TMOD3: variants seen among roughly 807,000 people sequenced by gnomAD.
TMOD3 encodes tropomodulin-3.
A neutral mutation model predicts 39.2 loss-of-function variants in TMOD3; 20 were observed. The observed-to-expected ratio is 0.51, with a 90% CI of 0.36 to 0.74. TMOD3 has a LOEUF of 0.74. Ranked by LOEUF, TMOD3 falls within the 30% of genes least tolerant of loss-of-function variation. TMOD3 has a pLI of 0.00. For synonymous variants in TMOD3, 143 were observed against 145.8 expected, an observed-to-expected ratio of 0.98 and a Z score of 0.14; for missense variants, 381 against 412.8, an observed-to-expected ratio of 0.92 and a Z score of 0.67.
At chr15:51,840,308 G>A (rs1296270634) in intron 1 of TMOD3, among the ~76,000 whole-genome samples, 3 of 152,172 alleles carry the variant, frequency 2.0e-5, no homozygotes, top group African/African-American at 4.8e-5. Flanking sequence ...GTGGATCAGA[G>A]TATAGTATGA....
chr15:51,836,997 A>G (rs2056287985), intron 1 of TMOD3, among the ~76,000 whole-genome samples: 1 of 152,172 alleles, frequency 6.6e-6, no homozygotes, highest in Non-Finnish European at 1.5e-5. Context: ...CATACAAGTG[A>G]ACACAGTTCC....
At position 51,881,117 on chromosome 15, in the gene TMOD3, T is replaced by C. The variant is rs142570138; in HGVS notation, c.284-6472T>C. ...GACTCGTGTATATTTGTTTGCTTTT[T>C]GGAAATGGAGTCTTGCTATGCAGCC... is the stretch of plus-strand genomic sequence containing the variant. On this transcript the variant is annotated intron_variant, in intron 3 of 9. Coordinates refer to ENST00000308580, the MANE Select transcript of TMOD3 (RefSeq NM_014547.5). 8.2e-4 allele frequency among the ~76,000 whole-genome samples: 125 copies of C among 152,352 alleles called. 4 individuals are homozygous for C. In the East Asian group the frequency reaches 0.022, roughly 27 times the overall value.
intron 1 of TMOD3, chr15:51,861,098 G>A (rs537720428): frequency 7.6e-5 from 43 of 568,844 alleles, no homozygotes; most frequent in Admixed American, 3.6e-4. Flanking sequence ...GGATCTGTTC[G>A]AAAAGATTAA....
intron 3 of TMOD3, among the ~76,000 whole-genome samples, chr15:51,877,220 A>C (rs569752450): frequency 2.0e-4 from 31 of 152,216 alleles, no homozygotes; most frequent in African/African-American, 7.0e-4. Flanking sequence ...TTCTGGATCA[A>C]ATTTTCCTGT....
chr15:51,867,880 C>T (rs1595898394), intron 2 of TMOD3, among the ~76,000 whole-genome samples: 1 of 152,202 alleles, frequency 6.6e-6, no homozygotes, highest in Non-Finnish European at 1.5e-5. Context: ...TAAGGGACTA[C>T]AGGAGACAAC....
chr15:51,839,103 T>C (rs2056300385), intron 1 of TMOD3, among the ~76,000 whole-genome samples: 1 of 151,608 alleles, frequency 6.6e-6, no homozygotes, highest in African/African-American at 2.4e-5. Context: ...GACCATGCCT[T>C]CTCTTTTTTG....
At chr15:51,860,380 C>CT in intron 1 of TMOD3, 2 of 544,086 alleles carry the variant, frequency 3.7e-6, no homozygotes, top group Non-Finnish European at 7.4e-6. Flanking sequence ...TCCATGTTGG[C>CT]TTTTTGAAAT....
intron 2 of TMOD3, among the ~76,000 whole-genome samples, chr15:51,866,068 C>G (rs1295679455): frequency 1.3e-5 from 2 of 152,082 alleles, no homozygotes; most frequent in Non-Finnish European, 1.5e-5. Context: ...TAATTATGAT[C>G]TATTAGCTTA....
At chr15:51,889,797 G>A (rs1240189059) in intron 5 of TMOD3, among the ~76,000 whole-genome samples, 2 of 152,172 alleles carry the variant, frequency 1.3e-5, no homozygotes, top group African/African-American at 4.8e-5. Flanking sequence ...CCAGGAGCTT[G>A]AGGCTGCAGT....
rs1463380610 is a variant in TMOD3 at position 51,915,439 on chromosome 15, AC to A, written c.*6631del. The stretch of plus-strand genomic sequence containing the variant: ...AGTTACATTTAAAAGCTTGAAAATT[AC>A]CTTTCTAACAATCATTTGAATGTCA... On this transcript the variant is annotated 3_prime_UTR_variant, in exon 10 of 10. Coordinates refer to ENST00000308580, the MANE Select transcript of TMOD3 (RefSeq NM_014547.5). 5 of 152,058 alleles carry A rather than the reference AC, an allele frequency of 3.3e-5. 1 individual carries two copies. In the East Asian group the frequency reaches 9.6e-4, roughly 29 times the overall value. The allele number at this position is 152,058 out of a possible 1,614,324, so 9.4% of individuals were successfully genotyped here.
intron 3 of TMOD3, among the ~76,000 whole-genome samples, chr15:51,886,395 G>A (rs963736993): frequency 5.3e-5 from 8 of 152,224 alleles, no homozygotes; most frequent in Admixed American, 1.3e-4. Context: ...CTGAGTGAGC[G>A]AGACTCCGTC....
At chr15:51,890,065 C>A (rs2056584467) in intron 5 of TMOD3, among the ~76,000 whole-genome samples, 1 of 151,872 alleles carries the variant, frequency 6.6e-6, no homozygotes, top group East Asian at 1.9e-4. Flanking sequence ...ACTGTTTATA[C>A]TAATGTATAC....
chr15:51,882,825 AAAC>A (rs1459552961), intron 3 of TMOD3, among the ~76,000 whole-genome samples: 2 of 152,306 alleles, frequency 1.3e-5, no homozygotes, highest in East Asian at 1.9e-4. Flanking sequence ...TATAAAAAAA[AAAC>A]AACTGAGATT....
At chr15:51,896,954 C>T (rs1222275334) in intron 7 of TMOD3, among the ~76,000 whole-genome samples, 2 of 152,066 alleles carry the variant, frequency 1.3e-5, no homozygotes, top group African/African-American at 2.4e-5. Context: ...TGGTTTTTGT[C>T]CTTTATTCTG....
At chr15:51,842,582 A>G (rs2056317549) in intron 1 of TMOD3, among the ~76,000 whole-genome samples, 1 of 152,022 alleles carries the variant, frequency 6.6e-6, no homozygotes, top group Non-Finnish European at 1.5e-5. Context: ...ATATCATAGT[A>G]CTTCATTAGG....
chr15:51,891,324 T>C (rs943180600), intron 5 of TMOD3, among the ~76,000 whole-genome samples: 8 of 152,110 alleles, frequency 5.3e-5, no homozygotes, highest in Non-Finnish European at 7.4e-5. Context: ...ATTCTGGATT[T>C]GGCTGATTTC....
Position 51,913,795 on chromosome 15 carries a change from T to C in TMOD3, c.*4985T>C, listed in dbSNP as rs949327286. The stretch of plus-strand genomic sequence containing the variant: ...TGGAAAGCCGAGGCCGACGGATCAC[T>C]TGAGCTCAGGAGTTTGAGACCAACC... On this transcript the variant is annotated 3_prime_UTR_variant, in exon 10 of 10. Coordinates refer to ENST00000308580, the MANE Select transcript of TMOD3 (RefSeq NM_014547.5). 6.6e-6 allele frequency: 1 copy of C among 152,108 alleles called. No individual in the cohort carries two copies. The highest frequency in any genetic ancestry group is 2.4e-5 in the African/African-American group (1 of 41,404). 9.4% of individuals were successfully genotyped at this position (152,108 alleles called of 1,614,324 possible).
chr15:51,888,976 T>G, intron 4 of TMOD3, 80 bp from the exon 5 acceptor site: 1 of 882,598 alleles, frequency 1.1e-6, no homozygotes, highest in Non-Finnish European at 1.8e-6. Flanking sequence ...CAGAGGATAT[T>G]AAAATTATTG....
At chr15:51,860,955 A>G (rs1182789285) in intron 1 of TMOD3, 4 of 495,132 alleles carry the variant, frequency 8.1e-6, no homozygotes, top group South Asian at 6.2e-5. Flanking sequence ...ACAAAAACCT[A>G]CATAGGAGAG....
Sources: gnomAD v4.1 joint callset for allele counts (sites outside exome capture counted in the v4.1 genomes callset) on GRCh38, gnomAD v4.1.1 for gene constraint, MANE v1.5 for transcripts, NCBI Gene and HGNC (gene_info 2026-07-23, HGNC 2026-07-21) for gene names.